MPZL3: variants seen among roughly 807,000 people sequenced by gnomAD.
MPZL3 encodes myelin protein zero-like protein 3.
A neutral mutation model predicts 24.8 loss-of-function variants in MPZL3; 23 were observed. The ratio of observed to expected loss-of-function variants is 0.93; its 90% CI spans 0.67 to 1.31. MPZL3 has a LOEUF of 1.31. Ranked by LOEUF, MPZL3 falls within the 40% of genes most tolerant of loss-of-function variation. The probability of loss-of-function intolerance (pLI) is 0.00; values close to 1 mark genes in which losing one functional copy is unlikely to be tolerated. For missense variants in MPZL3, 277 were observed against 294.9 expected (o/e 0.94, Z 0.44); for synonymous variants, 99 against 106.5 (o/e 0.93, Z 0.44).
intron 4 of MPZL3, among the ~76,000 whole-genome samples, chr11:118,234,795 T>C (rs1360716506): frequency 6.6e-6 from 1 of 151,842 alleles, no homozygotes; most frequent in Non-Finnish European, 1.5e-5. Flanking sequence ...AATGTAAGAC[T>C]CCCCTCCCCT....
chr11:118,239,792 A>G (rs1949470495), intron 2 of MPZL3, among the ~76,000 whole-genome samples: 1 of 152,180 alleles, frequency 6.6e-6, no homozygotes, highest in Non-Finnish European at 1.5e-5. Flanking sequence ...AAACAGATAC[A>G]CCCATTGAGA....
chr11:118,249,886 A>C (rs185271852), intron 1 of MPZL3, among the ~76,000 whole-genome samples: 2 of 152,198 alleles, frequency 1.3e-5, no homozygotes, highest in Non-Finnish European at 2.9e-5. Context: ...ACCAAACTCA[A>C]CCACATAAGA....
chr11:118,247,429 A>T (rs948525081), intron 1 of MPZL3, among the ~76,000 whole-genome samples: 6 of 152,124 alleles, frequency 3.9e-5, no homozygotes, highest in Non-Finnish European at 8.8e-5. Context: ...AAATACTCCT[A>T]CCATGGTCAA....
chr11:118,246,445 T>G (rs1320431363), intron 1 of MPZL3, among the ~76,000 whole-genome samples: 1 of 150,642 alleles, frequency 6.6e-6, no homozygotes, highest in African/African-American at 2.5e-5. Flanking sequence ...TTTTTTTTTT[T>G]GATACCTACC....
At chr11:118,248,180 ATTC>A (rs1357456225) in intron 1 of MPZL3, among the ~76,000 whole-genome samples, 1 of 143,056 alleles carries the variant, frequency 7.0e-6, no homozygotes, top group Non-Finnish European at 1.5e-5. Context: ...GGTTCAAATG[ATTC>A]TTCTGTATTT....
intron 1 of MPZL3, among the ~76,000 whole-genome samples, chr11:118,243,963 C>T (rs1162504048): frequency 1.3e-5 from 2 of 152,190 alleles, no homozygotes; most frequent in Non-Finnish European, 2.9e-5. Flanking sequence ...GTGGTCTACA[C>T]TTGAGGTCTC....
In MPZL3 at chr11:118,233,482, C is replaced by A. The variant is rs147554694; in HGVS notation, c.659G>T (p.Cys220Phe). Residue 220 changes from cysteine (C) to phenylalanine (F), a missense_variant, in exon 5 of 6, where the codon TGT becomes TTT. Coordinates refer to ENST00000278949, the MANE Select transcript of MPZL3 (RefSeq NM_198275.3). The stretch of plus-strand genomic sequence containing the variant: ...TACCAGGCACTCAGCGCAACGGACA[C>A]AAAGCCTCGCCATACACGCCTCTTC... ...EEEEACMARL[C>F]VRCAECLDSD... 1.3e-5 allele frequency: 21 copies of A among 1,613,860 alleles called. No homozygotes were observed. The South Asian group carries it at 2.2e-4, about 17-fold the overall frequency.
At chr11:118,235,321 G>A (rs1187571908) in intron 4 of MPZL3, 103 bp downstream of exon 4, 1 of 1,365,402 alleles carries the variant, frequency 7.3e-7, no homozygotes, top group African/African-American at 1.5e-5. Context: ...TTCACCAGCA[G>A]AACTAAACTC....
chr11:118,234,865 A>G (rs1949402658), intron 4 of MPZL3, among the ~76,000 whole-genome samples: 3 of 152,058 alleles, frequency 2.0e-5, no homozygotes, highest in Admixed American at 2.0e-4. Context: ...TCCTTTTACT[A>G]CATTTATTTT....
Position 118,237,211 on chromosome 11 carries a change from C to T in MPZL3, c.290G>A (p.Arg97Gln), listed in dbSNP as rs1359508633. Residue 97 changes from arginine to glutamine, a missense_variant, in exon 3 of 6, where the codon CGG (arginine) becomes CAG (glutamine). By Grantham distance (43) the Arg-to-Gln change is conservative. Coordinates refer to ENST00000278949, the MANE Select transcript of MPZL3 (RefSeq NM_198275.3). ...ATTTCCAACCCAGGAAATCCGATCCCGAAATGTGCCTGCTGTGGTTGGGTA... is the reference window on the plus strand; with the variant it reads ...ATTTCCAACCCAGGAAATCCGATCCTGAAATGTGCCTGCTGTGGTTGGGTA... Reference protein sequence around the residue: ...FQYPTTAGTFRDRISWVGNVY... With the variant: ...FQYPTTAGTFQDRISWVGNVY... 8 of 1,614,022 alleles carry T rather than the reference C, an allele frequency of 5.0e-6. No individual in the cohort carries two copies. Among genetic ancestry groups the T allele is most frequent in the East Asian group, 2.2e-5 (1 of 44,876 alleles).
At chr11:118,236,028 G>A (rs552598709) in intron 3 of MPZL3, among the ~76,000 whole-genome samples, 1 of 152,150 alleles carries the variant, frequency 6.6e-6, no homozygotes, top group Non-Finnish European at 1.5e-5. Flanking sequence ...AAGTTGGTTC[G>A]AATTCTTAGA....
At chr11:118,233,354 C>T in intron 5 of MPZL3, 106 bp downstream of exon 5, 1 of 1,270,360 alleles carries the variant, frequency 7.9e-7, no homozygotes, top group Non-Finnish European at 1.1e-6. Context: ...CTTGCTTGGA[C>T]CTACCTGCAT....
intron 2 of MPZL3, among the ~76,000 whole-genome samples, chr11:118,239,923 G>A (rs1949472105): frequency 6.6e-6 from 1 of 152,190 alleles, no homozygotes; most frequent in Non-Finnish European, 1.5e-5. Context: ...ATCTGAAAAT[G>A]AAGCTATGAA....
intron 5 of MPZL3, among the ~76,000 whole-genome samples, chr11:118,230,694 T>C (rs762410951): frequency 3.3e-5 from 5 of 152,132 alleles, no homozygotes; most frequent in Non-Finnish European, 7.4e-5. Flanking sequence ...ACGGCCTTGC[T>C]TTCTCCCATG....
rs34345916 is a variant in MPZL3 at position 118,246,434 on chromosome 11, C to CTT, written c.73+5786_73+5787dup. On this transcript the variant is annotated intron_variant, in intron 1 of 5. Coordinates refer to ENST00000278949, the MANE Select transcript of MPZL3 (RefSeq NM_198275.3). ...TTTCCCCTGATCTCCTAATAATACC[C>CTT]TTTTTTTTTTTGATACCTACCTTTT... is the stretch of plus-strand genomic sequence containing the variant. Among the ~76,000 whole-genome samples, 387 of 147,918 alleles carry CTT rather than the reference C, an allele frequency of 2.6e-3. 2 individuals are homozygous for CTT. The highest frequency in any genetic ancestry group is 0.011 in the Middle Eastern group (3 of 282).
intron 5 of MPZL3, 89 bp downstream of exon 5, chr11:118,233,371 T>C (rs1949377783): frequency 2.8e-6 from 4 of 1,439,494 alleles, no homozygotes; most frequent in Non-Finnish European, 3.9e-6. Flanking sequence ...GCATATCCTC[T>C]GCTGCCTCTG....
intron 5 of MPZL3, among the ~76,000 whole-genome samples, chr11:118,232,947 A>C (rs914606990): frequency 2.0e-5 from 3 of 152,152 alleles, no homozygotes; most frequent in Admixed American, 6.5e-5. Flanking sequence ...TGATTCTGTC[A>C]TTAGTCACAG....
intron 1 of MPZL3, among the ~76,000 whole-genome samples, chr11:118,247,662 G>T (rs992465512): frequency 6.6e-6 from 1 of 151,534 alleles, no homozygotes; most frequent in African/African-American, 2.4e-5. Flanking sequence ...TTTTTGAGAT[G>T]GGGTCTCACT....
At chr11:118,237,597 G>A (rs548279533) in intron 2 of MPZL3, among the ~76,000 whole-genome samples, 10 of 152,118 alleles carry the variant, frequency 6.6e-5, no homozygotes, top group Non-Finnish European at 1.2e-4. Context: ...AGATGCTACC[G>A]GCATCTAGTG....
Sources: gnomAD v4.1 joint callset for allele counts (sites outside exome capture counted in the v4.1 genomes callset) on GRCh38, gnomAD v4.1.1 for gene constraint, MANE v1.5 for transcripts, NCBI Gene and HGNC (gene_info 2026-07-23, HGNC 2026-07-21) for gene names.